PTGER2: variants seen among roughly 807,000 people sequenced by gnomAD.
The protein encoded by PTGER2 is prostaglandin E2 receptor EP2 subtype.
A neutral mutation model predicts 26.2 loss-of-function variants in PTGER2; 22 were observed. That is an observed-to-expected ratio of 0.84 (90% CI 0.60 to 1.20). The LOEUF (loss-of-function observed/expected upper bound fraction) is 1.20. PTGER2 is among the 50% of genes most tolerant of loss of function. The probability of loss-of-function intolerance (pLI) is 0.00; values close to 1 mark genes in which losing one functional copy is unlikely to be tolerated. For missense variants in PTGER2, 458 were observed against 475.2 expected, an observed-to-expected ratio of 0.96 and a Z score of 0.34; for synonymous variants, 219 against 208.9, an observed-to-expected ratio of 1.05 and a Z score of -0.42.
rs765710148 is a variant in PTGER2 at position 52,315,391 on chromosome 14, G to A, written c.843G>A (p.Thr281=). The A allele has an allele frequency of 1.9e-6, 3 of 1,612,166 alleles. No individual in the cohort carries two copies. Among genetic ancestry groups the A allele is most frequent in the Admixed American group, 1.7e-5 (1 of 59,984 alleles). ...ITFAVCSLPF[T]IFAYMNETSS... ...TCGCCGTCTGCTCCTTGCCTTTCAC[G>A]GTAAGTCACTCCCTACGTTTCCACA... Residue 281 remains threonine (T), a splice_region_variant and synonymous_variant, in exon 1 of 2, where the codon ACG becomes ACA. Transcript: ENST00000245457.
At position 52,327,436 on chromosome 14, in the gene PTGER2, T is replaced by G; in HGVS notation, c.1059T>G (p.Ser353Arg). Residue 353 changes from serine (S) to arginine (R), a missense_variant, in exon 2 of 2, where the codon AGT becomes AGG. Ser to Arg is a moderately radical substitution (Grantham distance 110). Transcript: ENST00000245457. ...QTSCSTQSDA[S>R]KQADL ...CCTGTTCTACACAGTCAGATGCCAG[T>G]AAACAGGCTGACCTTTGAGGTCAGT... 1 of 1,608,056 alleles carries G rather than the reference T, an allele frequency of 6.2e-7. No individual in the cohort carries two copies. The highest frequency in any genetic ancestry group is 8.5e-7 in the Non-Finnish European group (1 of 1,174,822).
chr14:52,314,881 C>A lies in PTGER2; in HGVS notation c.333C>A (p.Tyr111Ter), dbSNP rs1469969320. Reference sequence around the variant, plus strand: ...CGCCCGAGAGCCGCGCGTGCACCTACTTCGCTTTCGCCATGACCTTCTTCA... The same window carrying A: ...CGCCCGAGAGCCGCGCGTGCACCTAATTCGCTTTCGCCATGACCTTCTTCA... Reference protein sequence around the residue: ...ALAPESRACTYFAFAMTFFSL... With the variant: ...ALAPESRACT Residue 111 changes from tyrosine (Y) to a stop codon, truncating the protein, a stop_gained, in exon 1 of 2, where the codon TAC becomes TAA. Coordinates refer to ENST00000245457, the MANE Select transcript of PTGER2 (RefSeq NM_000956.4). LOFTEE classifies it high-confidence loss of function. This position sits in a 1 kb window ranked among gnomAD's most constrained non-coding sequence, Gnocchi z 5.7. The A allele has an allele frequency of 2.5e-6, 4 of 1,613,096 alleles. No individual in the cohort carries two copies. Among genetic ancestry groups the A allele is most frequent in the Admixed American group, 1.7e-5 (1 of 60,014 alleles).
chr14:52,315,154 C>T lies in PTGER2; in HGVS notation c.606C>T (p.Thr202=). The T allele has an allele frequency of 6.2e-7, 1 of 1,608,550 alleles. No individual in the cohort carries two copies. Among genetic ancestry groups the T allele is most frequent in the Non-Finnish European group, 8.5e-7 (1 of 1,179,924 alleles). ...GRTAYLQLYA[T]LLLLLIVSVL... ...CCGCTTACCTGCAGCTGTACGCCACCCTGCTGCTGCTTCTCATTGTCTCGG... is the reference window on the plus strand; with the variant it reads ...CCGCTTACCTGCAGCTGTACGCCACTCTGCTGCTGCTTCTCATTGTCTCGG... Residue 202 remains threonine (T), a synonymous_variant, in exon 1 of 2, where the codon ACC becomes ACT. Transcript: ENST00000245457.
In PTGER2 at chr14:52,314,705, G is replaced by T; in HGVS notation, c.157G>T (p.Asp53Tyr). The change falls in exon 1 of 2, where the codon GAC becomes TAC. Residue 53 changes from aspartate (D) to tyrosine (Y), a missense_variant. Transcript: ENST00000245457. This position sits in a 1 kb window ranked among gnomAD's most constrained non-coding sequence, Gnocchi z 5.7. ...GCTGCTGGCGCGCCGCTGGCGGGGG[G>T]ACGTGGGGTGCAGCGCCGGCCGCAG... Reference protein sequence around the residue: ...LALLARRWRGDVGCSAGRRSS... With the variant: ...LALLARRWRGYVGCSAGRRSS... 1.3e-6 allele frequency: 2 copies of T among 1,560,762 alleles called. No homozygotes were observed. The highest frequency in any genetic ancestry group is 1.7e-6 in the Non-Finnish European group (2 of 1,149,414).
At chr14:52,319,722 T>C (rs2033876660) in intron 1 of PTGER2, among the ~76,000 whole-genome samples, 1 of 152,210 alleles carries the variant, frequency 6.6e-6, no homozygotes, top group South Asian at 2.1e-4. Context: ...TTTCTAATTG[T>C]GGATAGCTTC....
At chr14:52,316,377 G>A (rs45525634) in intron 1 of PTGER2, among the ~76,000 whole-genome samples, 1 of 152,168 alleles carries the variant, frequency 6.6e-6, no homozygotes, top group South Asian at 2.1e-4. Flanking sequence ...CAAGTGTAAC[G>A]TTTTAGCTGA....
chr14:52,314,837 C>A lies in PTGER2; in HGVS notation c.289C>A (p.Gln97Lys). Residue 97 changes from glutamine to lysine, a missense_variant, in exon 1 of 2, where the codon CAG becomes AAG. Coordinates refer to ENST00000245457, the MANE Select transcript of PTGER2 (RefSeq NM_000956.4). This position sits in a 1 kb window ranked among gnomAD's most constrained non-coding sequence, Gnocchi z 5.7. ...PVVLASYARN[Q>K]TLVALAPESR... ...GGTACTGGCTTCGTACGCGCGGAACCAGACCCTGGTGGCACTGGCGCCCGA... is the reference window on the plus strand; with the variant it reads ...GGTACTGGCTTCGTACGCGCGGAACAAGACCCTGGTGGCACTGGCGCCCGA... The A allele has an allele frequency of 1.9e-6, 3 of 1,613,112 alleles. No individual in the cohort carries two copies. Among genetic ancestry groups the A allele is most frequent in the Middle Eastern group, 1.6e-4 (1 of 6,062 alleles).
chr14:52,316,566 A>G (rs988849471), intron 1 of PTGER2, among the ~76,000 whole-genome samples: 6 of 152,172 alleles, frequency 3.9e-5, no homozygotes, highest in Non-Finnish European at 7.4e-5. Context: ...CCTACTATTA[A>G]CAGGTCTGAC....
intron 1 of PTGER2, among the ~76,000 whole-genome samples, chr14:52,320,308 C>A (rs1006386136): frequency 6.6e-6 from 1 of 152,150 alleles, no homozygotes; most frequent in Non-Finnish European, 1.5e-5. Context: ...AATAAAGACA[C>A]AATTACACTG....
rs1594634763 is a variant in PTGER2 at position 52,314,614 on chromosome 14, C to T, written c.66C>T (p.Gly22=). The part of the protein sequence containing the change: ...DCETRQWLPP[G]ESPAISSVMF... Reference sequence around the variant, plus strand: ...AGACGCGACAGTGGCTTCCCCCAGGCGAAAGCCCAGCCATCAGCTCCGTCA... The same window carrying T: ...AGACGCGACAGTGGCTTCCCCCAGGTGAAAGCCCAGCCATCAGCTCCGTCA... The change falls in exon 1 of 2, where the codon GGC becomes GGT. Residue 22 remains glycine (G), a synonymous_variant. Coordinates refer to ENST00000245457, the MANE Select transcript of PTGER2 (RefSeq NM_000956.4). The surrounding 1 kb of genome is among the most constrained non-coding windows in gnomAD (Gnocchi z 5.7). 1.3e-6 allele frequency: 2 copies of T among 1,510,344 alleles called. No individual in the cohort carries two copies. The highest frequency in any genetic ancestry group is 2.3e-5 in the Admixed American group (1 of 43,720). The allele number at this position is 1,510,344 out of a possible 1,614,324, so 93.6% of individuals were successfully genotyped here.
At position 52,314,500 on chromosome 14, in the gene PTGER2, A is replaced by AG. The variant is rs2033811465; in HGVS notation, c.-47dup. On this transcript the variant is annotated 5_prime_UTR_variant, in exon 1 of 2. Coordinates refer to ENST00000245457, the MANE Select transcript of PTGER2 (RefSeq NM_000956.4). The surrounding 1 kb of genome is among the most constrained non-coding windows in gnomAD (Gnocchi z 5.7). ...CCGGCTCTCAGACCCTCTTCCTCCC[A>AG]GGTAAAGGCCGGGAGAGGAGGGCGC... is the stretch of plus-strand genomic sequence containing the variant. 1 of 1,427,102 alleles carries AG rather than the reference A, an allele frequency of 7.0e-7. No individual in the cohort carries two copies. The highest frequency in any genetic ancestry group is 9.2e-7 in the Non-Finnish European group (1 of 1,089,482). The allele number at this position is 1,427,102 out of a possible 1,614,324, so 88.4% of individuals were successfully genotyped here.
At chr14:52,315,502 A>C (rs968411674) in intron 1 of PTGER2, 111 bp downstream of exon 1, 3 of 1,369,400 alleles carry the variant, frequency 2.2e-6, no homozygotes, top group African/African-American at 2.9e-5. Context: ...ACTTGTAAAA[A>C]TATGTCCTAA....
Position 52,315,118 on chromosome 14 carries a change from G to A in PTGER2, c.570G>A (p.Arg190=). Residue 190 remains arginine (R), a synonymous_variant, in exon 1 of 2, where the codon CGG becomes CGA. Coordinates refer to ENST00000245457, the MANE Select transcript of PTGER2 (RefSeq NM_000956.4). ...GCCCCGGGACCTGGTGCTTCATCCG[G>A]CACGGGCGGACCGCTTACCTGCAGC... The part of the protein sequence containing the change: ...QYCPGTWCFI[R]HGRTAYLQLY... 1.2e-6 allele frequency: 2 copies of A among 1,610,090 alleles called. No individual in the cohort carries two copies. The highest frequency in any genetic ancestry group is 1.7e-6 in the Non-Finnish European group (2 of 1,179,940).
In PTGER2 at chr14:52,328,241, A is replaced by G. The variant is rs1167600599; in HGVS notation, c.*787A>G. 2 of 152,722 alleles carry G rather than the reference A, an allele frequency of 1.3e-5. No individual in the cohort carries two copies. Among genetic ancestry groups the G allele is most frequent in the East Asian group, 3.9e-4 (2 of 5,188 alleles). The allele number at this position is 152,722 out of a possible 1,614,324, so 9.5% of individuals were successfully genotyped here. On this transcript the variant is annotated 3_prime_UTR_variant, in exon 2 of 2. Transcript: ENST00000245457. The stretch of plus-strand genomic sequence containing the variant: ...TTATTTATCCTATTTCTGGGGGAGG[A>G]TGTACGTGGCCATGTATGAAGCCAA...
intron 1 of PTGER2, among the ~76,000 whole-genome samples, chr14:52,323,505 C>T (rs1051483759): frequency 3.3e-5 from 5 of 152,146 alleles, no homozygotes; most frequent in South Asian, 2.1e-4. Flanking sequence ...CTGCCTGCCT[C>T]GGCCTCCCAA....
chr14:52,314,798 C>CACATCATCA lies in PTGER2; in HGVS notation c.250_251insACATCATCA (p.Leu84delinsHisIleIleIle), dbSNP rs1484414952. Reference sequence around the variant, plus strand: ...GTTCACCGACCTGCTCGGGACCTGCCTCATCAGCCCAGTGGTACTGGCTTC... The same window carrying CACATCATCA: ...GTTCACCGACCTGCTCGGGACCTGCCACATCATCATCATCAGCCCAGTGGTACTGGCTTC... On this transcript the variant is annotated protein_altering_variant, in exon 1 of 2. Transcript: ENST00000245457. The surrounding 1 kb of genome is among the most constrained non-coding windows in gnomAD (Gnocchi z 5.7). The CACATCATCA allele has an allele frequency of 1.2e-6, 2 of 1,612,766 alleles. No homozygotes were observed. Among genetic ancestry groups the CACATCATCA allele is most frequent in the Non-Finnish European group, 8.5e-7 (1 of 1,179,668 alleles).
intron 1 of PTGER2, among the ~76,000 whole-genome samples, chr14:52,318,623 T>A (rs1284198807): frequency 6.6e-6 from 1 of 152,210 alleles, no homozygotes; most frequent in Non-Finnish European, 1.5e-5. Flanking sequence ...GGAGGACAGC[T>A]GTACCCAGTG....
chr14:52,318,216 T>A (rs1211312939), intron 1 of PTGER2, among the ~76,000 whole-genome samples: 2 of 152,198 alleles, frequency 1.3e-5, no homozygotes, highest in Non-Finnish European at 2.9e-5. Flanking sequence ...TTTCCACATG[T>A]CCTAACAGGG....
At chr14:52,318,059 G>A (rs1014730686) in intron 1 of PTGER2, among the ~76,000 whole-genome samples, 1 of 152,200 alleles carries the variant, frequency 6.6e-6, no homozygotes, top group African/African-American at 2.4e-5. Context: ...GCTACTGTTT[G>A]GTTCATACAT....
Sources: allele counts gnomAD v4.1 joint callset (sites outside exome capture counted in the v4.1 genomes callset), GRCh38; gene constraint gnomAD v4.1.1; non-coding constraint Gnocchi (gnomAD v3.1); transcripts MANE v1.5; gene names NCBI Gene and HGNC (gene_info 2026-07-23, HGNC 2026-07-21).